The following HTR4 variants were observed in gnomAD, a reference collection of about 807,000 sequenced individuals.
HTR4 encodes 5-hydroxytryptamine receptor 4, also known as 5-hydroxytryptamine (serotonin) receptor 4, G protein-coupled.
A neutral mutation model predicts 36.8 loss-of-function variants in HTR4; 16 were observed. That is an observed-to-expected ratio of 0.43 (90% CI 0.29 to 0.66). The LOEUF is 0.66. HTR4 is among the 30% of genes least tolerant of loss of function. HTR4 has a pLI of 0.13. For missense variants in HTR4, 438 were observed against 490.9 expected, an observed-to-expected ratio of 0.89 and a Z score of 1.02; for synonymous variants, 189 against 185.1, an observed-to-expected ratio of 1.02 and a Z score of -0.17.
chr5:148,451,604 A>G (rs1754975086), intron 5 of HTR4, among the ~76,000 whole-genome samples: 1 of 152,160 alleles, frequency 6.6e-6, no homozygotes, highest in Admixed American at 6.5e-5. Flanking sequence ...AATGAACCCT[A>G]TGTACCACCT....
downstream of HTR4, among the ~76,000 whole-genome samples, chr5:148,478,478 G>A (rs143849473): frequency 1.6e-3 from 243 of 152,228 alleles, 1 homozygote; most frequent in Non-Finnish European, 2.6e-3. Context: ...ATTTTCTAAC[G>A]GGGAGGTGTG....
intron 4 of HTR4, among the ~76,000 whole-genome samples, chr5:148,528,603 T>C (rs777727135): frequency 3.3e-5 from 5 of 152,168 alleles, no homozygotes; most frequent in Non-Finnish European, 7.3e-5. Flanking sequence ...TAACCGATGG[T>C]GCTTCCTTAA....
intron 6 of HTR4, among the ~76,000 whole-genome samples, chr5:148,488,063 T>C (rs936162594): frequency 3.3e-5 from 5 of 152,188 alleles, no homozygotes; most frequent in African/African-American, 1.2e-4. Context: ...TGTTAGCTGA[T>C]AAAAACCGAG....
chr5:148,522,520 A>G (rs753607153), intron 5 of HTR4, among the ~76,000 whole-genome samples: 3 of 152,226 alleles, frequency 2.0e-5, no homozygotes, highest in Non-Finnish European at 4.4e-5. Flanking sequence ...TTTCAAGATT[A>G]TATATAAAGT....
intron 4 of HTR4, among the ~76,000 whole-genome samples, chr5:148,536,608 T>C (rs550077943): frequency 2.0e-4 from 30 of 152,052 alleles, no homozygotes; most frequent in Non-Finnish European, 2.9e-4. Flanking sequence ...TCAGGCAAAA[T>C]AGACTTCAAA....
rs576323017 is a variant in HTR4 at position 148,618,298 on chromosome 5, T to C, written c.26+18691A>G. Among the ~76,000 whole-genome samples, 3 of 152,352 alleles carry C rather than the reference T, an allele frequency of 2.0e-5. No homozygotes were observed. The South Asian group carries it at 6.2e-4, about 32-fold the overall frequency. ...TTCCCCAAAAGCAAAATCAGGGTTC[T>C]ATCCGCAAGGATACTGTGCAGTCAA... On this transcript the variant is annotated intron_variant, in intron 2 of 6. Transcript: ENST00000377888.
chr5:148,631,255 G>A (rs1182054214), intron 2 of HTR4, among the ~76,000 whole-genome samples: 1 of 152,154 alleles, frequency 6.6e-6, no homozygotes, highest in Non-Finnish European at 1.5e-5. Context: ...CAGTCAAGCA[G>A]TGAAGTTGAG....
intron 2 of HTR4, among the ~76,000 whole-genome samples, chr5:148,551,519 A>C (rs1167624784): frequency 6.6e-6 from 1 of 152,220 alleles, no homozygotes; most frequent in African/African-American, 2.4e-5. Flanking sequence ...TTGAAAATGA[A>C]GATCCCTTTT....
intron 2 of HTR4, among the ~76,000 whole-genome samples, chr5:148,572,431 T>C (rs568189491): frequency 1.4e-4 from 22 of 152,234 alleles, no homozygotes; most frequent in African/African-American, 4.8e-4. Flanking sequence ...ATCCCTATGA[T>C]AGACAAATGT....
At chr5:148,555,131 T>C (rs1759885380) in intron 2 of HTR4, among the ~76,000 whole-genome samples, 1 of 152,192 alleles carries the variant, frequency 6.6e-6, no homozygotes, top group Non-Finnish European at 1.5e-5. Context: ...AGGGCTCCTA[T>C]ATTGGGGGCA....
intron 5 of HTR4, among the ~76,000 whole-genome samples, chr5:148,456,154 A>G (rs1320135772): frequency 1.3e-5 from 2 of 152,302 alleles, no homozygotes; most frequent in African/African-American, 2.4e-5. Context: ...GCACATCCCA[A>G]CTGGAGTCTG....
At chr5:148,556,270 C>A (rs370527370) in intron 2 of HTR4, among the ~76,000 whole-genome samples, 1 of 152,072 alleles carries the variant, frequency 6.6e-6, no homozygotes, top group Non-Finnish European at 1.5e-5. Context: ...GTGATCTGCC[C>A]GCCTCGGCCT....
At chr5:148,633,489 A>T (rs1002591374) in intron 2 of HTR4, among the ~76,000 whole-genome samples, 4 of 151,034 alleles carry the variant, frequency 2.6e-5, no homozygotes, top group Non-Finnish European at 5.9e-5. Context: ...TTAACTCATC[A>T]TCTAGCATTA....
In HTR4 at chr5:148,481,579, A is replaced by G; in HGVS notation, c.*1624T>C. The G allele has an allele frequency of 1.3e-6, 2 of 1,526,182 alleles. No homozygotes were observed. Among genetic ancestry groups the G allele is most frequent in the African/African-American group, 1.4e-5 (1 of 72,172 alleles). 94.5% of individuals were successfully genotyped at this position (1,526,182 alleles called of 1,614,324 possible). On this transcript the variant is annotated 3_prime_UTR_variant, in exon 7 of 7. Coordinates refer to ENST00000377888, the MANE Select transcript of HTR4 (RefSeq NM_000870.7). ...TTTTGGCATTTGGATGGTTTGGTCA[A>G]TCTTCTCTTCCTTATTCCAAAGTTT...
intron 5 of HTR4, among the ~76,000 whole-genome samples, chr5:148,467,293 C>A (rs1755453356): frequency 6.6e-6 from 1 of 152,076 alleles, no homozygotes; most frequent in South Asian, 2.1e-4. Context: ...TTTTATTAGA[C>A]CTTAATAATT....
intron 4 of HTR4, among the ~76,000 whole-genome samples, chr5:148,527,804 G>C (rs112457118): frequency 1.0e-3 from 155 of 152,272 alleles, no homozygotes; most frequent in South Asian, 1.9e-3. Flanking sequence ...AGCAGGGACA[G>C]GGTTTCGCTA....
At chr5:148,604,969 A>T (rs1332626303) in intron 2 of HTR4, among the ~76,000 whole-genome samples, 1 of 152,184 alleles carries the variant, frequency 6.6e-6, no homozygotes, top group Admixed American at 6.5e-5. Context: ...ATACTAAATG[A>T]GATAATAAAG....
chr5:148,606,588 C>T (rs1394451368), intron 2 of HTR4, among the ~76,000 whole-genome samples: 1 of 152,104 alleles, frequency 6.6e-6, no homozygotes, highest in African/African-American at 2.4e-5. Context: ...ATTATATATT[C>T]AGTATATAAT....
chr5:148,606,441 A>G (rs1752166483), intron 2 of HTR4, among the ~76,000 whole-genome samples: 1 of 152,130 alleles, frequency 6.6e-6, no homozygotes, highest in Non-Finnish European at 1.5e-5. Context: ...GCAACATCAC[A>G]TTGGTTTCAA....
Sources: allele counts gnomAD v4.1 joint callset (sites outside exome capture counted in the v4.1 genomes callset), GRCh38; gene constraint gnomAD v4.1.1; transcripts MANE v1.5; gene names NCBI Gene and HGNC (gene_info 2026-07-23, HGNC 2026-07-21).